The following CNBD1 variants were observed in gnomAD, a reference collection of about 807,000 sequenced individuals.
CNBD1 encodes cyclic nucleotide-binding domain-containing protein 1.
In CNBD1, 71 loss-of-function variants were observed where a neutral mutation model predicts 54.4. The ratio of observed to expected loss-of-function variants is 1.30; its 90% CI spans 1.08 to 1.59. The LOEUF is 1.59. CNBD1 is among the 40% of genes most tolerant of loss of function. The probability of loss-of-function intolerance (pLI) is 0.00; values close to 1 mark genes in which losing one functional copy is unlikely to be tolerated. For missense variants in CNBD1, 659 were observed against 518.0 expected (o/e 1.27, Z -2.64); for synonymous variants, 182 against 170.7 (o/e 1.07, Z -0.51).
At chr8:87,376,462 G>A (rs1810939645) in intron 10 of CNBD1, among the ~76,000 whole-genome samples, 1 of 151,778 alleles carries the variant, frequency 6.6e-6, no homozygotes, top group Admixed American at 6.6e-5. Context: ...AATTTTTGAG[G>A]GATGTAACCA....
At chr8:86,883,224 T>C (rs748982327) in intron 1 of CNBD1, among the ~76,000 whole-genome samples, 4 of 151,998 alleles carry the variant, frequency 2.6e-5, no homozygotes, top group Non-Finnish European at 4.4e-5. Flanking sequence ...TTATAATTGG[T>C]AGGGATTTTC....
At chr8:87,067,731 A>G (rs1313894550) in intron 4 of CNBD1, among the ~76,000 whole-genome samples, 3 of 151,982 alleles carry the variant, frequency 2.0e-5, no homozygotes, top group Admixed American at 1.3e-4. Context: ...TTAACTCAGT[A>G]CTTAACTTAT....
chr8:87,082,911 C>G (rs1275886154), intron 4 of CNBD1, among the ~76,000 whole-genome samples: 1 of 152,040 alleles, frequency 6.6e-6, no homozygotes, highest in African/African-American at 2.4e-5. Flanking sequence ...TTTACAAAAA[C>G]TTTTTAGTGG....
At chr8:87,376,967 T>G (rs1210841810) in intron 10 of CNBD1, among the ~76,000 whole-genome samples, 4 of 150,988 alleles carry the variant, frequency 2.6e-5, no homozygotes, top group African/African-American at 9.7e-5. Flanking sequence ...CCAAATATTC[T>G]GGCTCATATA....
chr8:87,109,301 T>G (rs1203409006), intron 4 of CNBD1, among the ~76,000 whole-genome samples: 1 of 152,104 alleles, frequency 6.6e-6, no homozygotes, highest in East Asian at 1.9e-4. Context: ...GGAGGGTCCC[T>G]TTCCTTGACC....
chr8:86,941,950 C>T (rs553965969), intron 4 of CNBD1, among the ~76,000 whole-genome samples: 7 of 152,264 alleles, frequency 4.6e-5, no homozygotes, highest in Admixed American at 3.9e-4. Flanking sequence ...ACTATACGTC[C>T]CCCCTTTCAG....
rs561700462 is a variant in CNBD1 at position 87,092,547 on chromosome 8, A to G, written c.432-113446A>G. The stretch of plus-strand genomic sequence containing the variant: ...TGTGTATGTATGTATGTGTGTGTAT[A>G]TATATATATACACATATGTGTGTGT... On this transcript the variant is annotated intron_variant, in intron 4 of 10. Transcript: ENST00000518476. Among the ~76,000 whole-genome samples, 9 of 79,760 alleles carry G rather than the reference A, an allele frequency of 1.1e-4. 1 individual carries two copies. The highest frequency in any genetic ancestry group is 4.5e-4 in the African/African-American group (8 of 17,960). 52.3% of individuals were successfully genotyped at this position (79,760 alleles called of 152,430 possible).
At chr8:87,358,966 G>A (rs1173608951) in intron 10 of CNBD1, among the ~76,000 whole-genome samples, 1 of 152,122 alleles carries the variant, frequency 6.6e-6, no homozygotes, top group African/African-American at 2.4e-5. Context: ...TTGCATTGGT[G>A]TTGGTGGATT....
At chr8:87,058,352 T>C (rs1810467899) in intron 4 of CNBD1, among the ~76,000 whole-genome samples, 1 of 152,172 alleles carries the variant, frequency 6.6e-6, no homozygotes, top group South Asian at 2.1e-4. Context: ...TCTACCCTTC[T>C]GCGATCTGGA....
intron 4 of CNBD1, among the ~76,000 whole-genome samples, chr8:87,174,580 T>A (rs547693882): frequency 6.6e-6 from 1 of 152,216 alleles, no homozygotes; most frequent in Non-Finnish European, 1.5e-5. Context: ...TGGTCCCTGG[T>A]GCCTTTTTTA....
chr8:86,972,322 T>G (rs1056173498), intron 4 of CNBD1, among the ~76,000 whole-genome samples: 2 of 152,218 alleles, frequency 1.3e-5, no homozygotes, highest in Middle Eastern at 3.2e-3. Flanking sequence ...GTATTTTGTT[T>G]TAATAGTATG....
At chr8:87,321,518 T>C (rs1235729795) in intron 8 of CNBD1, among the ~76,000 whole-genome samples, 2 of 152,188 alleles carry the variant, frequency 1.3e-5, no homozygotes, top group Non-Finnish European at 2.9e-5. Context: ...TTCAAATCTC[T>C]TGCCCATTTT....
chr8:86,891,148 T>G (rs942298917), intron 2 of CNBD1, among the ~76,000 whole-genome samples: 18 of 152,044 alleles, frequency 1.2e-4, no homozygotes, highest in African/African-American at 4.3e-4. Flanking sequence ...CAGGTCATAC[T>G]CAAAAAATCG....
At chr8:87,195,983 CT>C (rs1292360960) in intron 4 of CNBD1, among the ~76,000 whole-genome samples, 2 of 152,074 alleles carry the variant, frequency 1.3e-5, no homozygotes, top group Non-Finnish European at 2.9e-5. Context: ...AAGTTAATGG[CT>C]TTTTTTATGT....
At chr8:87,412,897 GA>G (rs1807772101) in intron 2 of CNBD1, among the ~76,000 whole-genome samples, 1 of 152,008 alleles carries the variant, frequency 6.6e-6, no homozygotes, top group Non-Finnish European at 1.5e-5. Flanking sequence ...AAGGAATAGA[GA>G]AAAAGTCAAT....
chr8:86,900,509 T>A (rs1808916184), intron 2 of CNBD1, among the ~76,000 whole-genome samples: 1 of 152,208 alleles, frequency 6.6e-6, no homozygotes, highest in Non-Finnish European at 1.5e-5. Flanking sequence ...TTTAATAAAA[T>A]TTTTAAACTG....
intron 3 of CNBD1, among the ~76,000 whole-genome samples, chr8:86,916,692 C>A (rs1159728171): frequency 6.6e-6 from 1 of 151,694 alleles, no homozygotes; most frequent in Non-Finnish European, 1.5e-5. Context: ...CTGGCTGCAA[C>A]ATTATTATTT....
chr8:86,993,159 T>G (rs1808790959), intron 4 of CNBD1, among the ~76,000 whole-genome samples: 1 of 152,224 alleles, frequency 6.6e-6, no homozygotes, highest in African/African-American at 2.4e-5. Flanking sequence ...TTTTTAAAAT[T>G]GTTTTTTCTT....
intron 10 of CNBD1, among the ~76,000 whole-genome samples, chr8:87,370,794 T>C (rs1270804670): frequency 6.0e-5 from 9 of 149,722 alleles, no homozygotes; most frequent in Non-Finnish European, 8.9e-5. Context: ...AGACATGAAG[T>C]CCTTGCCCAT....
Sources: gnomAD v4.1 joint callset for allele counts (sites outside exome capture counted in the v4.1 genomes callset) on GRCh38, gnomAD v4.1.1 for gene constraint, MANE v1.5 for transcripts, NCBI Gene and HGNC (gene_info 2026-07-23, HGNC 2026-07-21) for gene names.